The following PLCB1 variants were observed in gnomAD, a reference collection of about 807,000 sequenced individuals.
The protein encoded by PLCB1 is 1-phosphatidylinositol 4,5-bisphosphate phosphodiesterase beta-1.
A neutral mutation model predicts 161.8 loss-of-function variants in PLCB1; 46 were observed. The ratio of observed to expected loss-of-function variants is 0.28; its 90% CI spans 0.22 to 0.36. The LOEUF (loss-of-function observed/expected upper bound fraction) is 0.36. Ranked by LOEUF, PLCB1 falls within the 10% of genes least tolerant of loss-of-function variation. The pLI, the probability that PLCB1 is intolerant of heterozygous loss-of-function variation, is 1.00. For synonymous variants in PLCB1, 517 were observed against 503.7 expected (o/e 1.03, Z -0.35); for missense variants, 1,016 against 1,472.5 (o/e 0.69, Z 5.07).
At chr20:8,453,706 G>A (rs1236263988) in intron 3 of PLCB1, among the ~76,000 whole-genome samples, 1 of 152,032 alleles carries the variant, frequency 6.6e-6, no homozygotes, top group Non-Finnish European at 1.5e-5. Flanking sequence ...TATTGCAGAG[G>A]GTGTTCAAGG....
rs116951385 is a variant in PLCB1, at chr20:8,339,069, T to G, written c.178-32313T>G. ...TCCAGTTGATGGACATTTACATTCT[T>G]TCCAGTTGTAAGCTATGATGAGTAC... On this transcript the variant is annotated intron_variant, in intron 2 of 31. Transcript: ENST00000338037. Among the ~76,000 whole-genome samples the G allele has an allele frequency of 3.3e-5, 5 of 152,336 alleles. No homozygotes were observed. In the East Asian group the frequency reaches 9.6e-4, roughly 29 times the overall value.
intron 3 of PLCB1, among the ~76,000 whole-genome samples, chr20:8,570,499 G>A (rs967653109): frequency 6.6e-6 from 1 of 152,084 alleles, no homozygotes; most frequent in Non-Finnish European, 1.5e-5. Flanking sequence ...CACTTACCAC[G>A]CTGATTAATT....
intron 2 of PLCB1, among the ~76,000 whole-genome samples, chr20:8,171,734 C>T (rs1039330129): frequency 2.6e-5 from 4 of 152,064 alleles, no homozygotes; most frequent in South Asian, 2.1e-4. Flanking sequence ...CTTTATGAAA[C>T]GTGTGTGCAT....
chr20:8,870,768 T>C (rs1226673121), intron 31 of PLCB1, among the ~76,000 whole-genome samples: 1 of 152,198 alleles, frequency 6.6e-6, no homozygotes, highest in Non-Finnish European at 1.5e-5. Context: ...TTATCAACAC[T>C]TTGAATCTAA....
chr20:8,297,892 GTT>G (rs749268293), intron 2 of PLCB1, among the ~76,000 whole-genome samples: 7 of 132,670 alleles, frequency 5.3e-5, no homozygotes, highest in Admixed American at 7.7e-5. Context: ...TTCTTTTTGG[GTT>G]TTTTTTTTTT....
intron 25 of PLCB1, among the ~76,000 whole-genome samples, chr20:8,762,139 G>A (rs1982072909): frequency 6.6e-6 from 1 of 152,122 alleles, no homozygotes; most frequent in Non-Finnish European, 1.5e-5. Context: ...GAACCCAGGA[G>A]GCGGAGGTTG....
chr20:8,827,938 C>T (rs892741704), intron 31 of PLCB1, among the ~76,000 whole-genome samples: 5 of 152,178 alleles, frequency 3.3e-5, no homozygotes, highest in African/African-American at 1.2e-4. Flanking sequence ...GTGACAGAGA[C>T]TTTATAGTCT....
At chr20:8,519,612 T>G (rs1211644502) in intron 3 of PLCB1, among the ~76,000 whole-genome samples, 1 of 152,126 alleles carries the variant, frequency 6.6e-6, no homozygotes, top group African/African-American at 2.4e-5. Context: ...ATTGCCTAGT[T>G]TCCCAGGGTA....
intron 31 of PLCB1, among the ~76,000 whole-genome samples, chr20:8,829,119 CT>C (rs1985857451): frequency 6.6e-6 from 1 of 152,146 alleles, no homozygotes; most frequent in African/African-American, 2.4e-5. Context: ...GATTTCAACT[CT>C]TCTATATGTG....
chr20:8,250,143 G>A (rs927495433), intron 2 of PLCB1, among the ~76,000 whole-genome samples: 1 of 151,882 alleles, frequency 6.6e-6, no homozygotes, highest in Non-Finnish European at 1.5e-5. Flanking sequence ...TTGAAAAACT[G>A]GGATTTAAGC....
At chr20:8,618,583 C>T (rs1405553536) in intron 3 of PLCB1, among the ~76,000 whole-genome samples, 1 of 151,998 alleles carries the variant, frequency 6.6e-6, no homozygotes, top group African/African-American at 2.4e-5. Flanking sequence ...TAACAATAGA[C>T]ACAATCACAT....
At chr20:8,807,126 C>G (rs140272905) in intron 31 of PLCB1, among the ~76,000 whole-genome samples, 13 of 152,256 alleles carry the variant, frequency 8.5e-5, no homozygotes, top group African/African-American at 2.9e-4. Flanking sequence ...TTTTTATGAT[C>G]TCTTTTGAGT....
At chr20:8,330,405 A>G (rs1023915725) in intron 2 of PLCB1, among the ~76,000 whole-genome samples, 1 of 152,230 alleles carries the variant, frequency 6.6e-6, no homozygotes, top group Non-Finnish European at 1.5e-5. Flanking sequence ...AAGAAGCTGC[A>G]TTTTATAGCC....
intron 3 of PLCB1, among the ~76,000 whole-genome samples, chr20:8,443,074 G>A (rs939600103): frequency 3.3e-5 from 5 of 151,772 alleles, no homozygotes; most frequent in African/African-American, 1.2e-4. Context: ...CTGCATCCTG[G>A]GTTCAAGCGA....
At chr20:8,276,113 T>C (rs546213123) in intron 2 of PLCB1, among the ~76,000 whole-genome samples, 1 of 152,316 alleles carries the variant, frequency 6.6e-6, no homozygotes, top group South Asian at 2.1e-4. Context: ...CTTTACTATT[T>C]TGAAAGCAAA....
intron 6 of PLCB1, 148 bp downstream of exon 6, chr20:8,648,101 C>T (rs1989215534): frequency 5.6e-6 from 3 of 537,904 alleles, no homozygotes; most frequent in Non-Finnish European, 9.9e-6. Flanking sequence ...TGTCTCATGT[C>T]AGTGCAGCTG....
chr20:8,151,863 T>A (rs2051512330), intron 2 of PLCB1, among the ~76,000 whole-genome samples: 2 of 152,178 alleles, frequency 1.3e-5, no homozygotes, highest in African/African-American at 4.8e-5. Context: ...CTGGGATTTT[T>A]AAATAATTCA....
intron 2 of PLCB1, among the ~76,000 whole-genome samples, chr20:8,276,813 A>G (rs1292482792): frequency 1.3e-5 from 2 of 151,942 alleles, no homozygotes; most frequent in Non-Finnish European, 2.9e-5. Context: ...TCATATATAC[A>G]ACAGCACAAC....
intron 3 of PLCB1, among the ~76,000 whole-genome samples, chr20:8,535,334 A>C (rs7270873): frequency 0.087 from 13,241 of 151,922 alleles, 1,882 homozygotes; most frequent in African/African-American, 0.3. Context: ...ACATATCTAC[A>C]TCTGTAGTAA....
Sources: allele counts gnomAD v4.1 joint callset (sites outside exome capture counted in the v4.1 genomes callset), GRCh38; gene constraint gnomAD v4.1.1; transcripts MANE v1.5; gene names NCBI Gene and HGNC (gene_info 2026-07-23, HGNC 2026-07-21).